The following RAI2 variants were observed in gnomAD, a reference collection of about 807,000 sequenced individuals.
The protein encoded by RAI2 is retinoic acid induced 2.
RAI2 carries 5 observed loss-of-function variants against 15.3 expected under a neutral mutation model. The ratio of observed to expected loss-of-function variants is 0.33; its 90% CI spans 0.17 to 0.69. RAI2 has a LOEUF of 0.69. Ranked by LOEUF, RAI2 falls within the 30% of genes least tolerant of loss-of-function variation. The pLI, the probability that RAI2 is intolerant of heterozygous loss-of-function variation, is 0.69. For synonymous variants in RAI2, 191 were observed against 184.0 expected, an observed-to-expected ratio of 1.04 and a Z score of -0.31; for missense variants, 424 against 424.7, an observed-to-expected ratio of 1.00 and a Z score of 0.01.
At chrX:17,824,301 C>A (rs1446303088) in intron 1 of RAI2, among the ~76,000 whole-genome samples, 1 of 112,261 alleles carries the variant, frequency 8.9e-6, no homozygotes, top group Non-Finnish European at 1.9e-5. Flanking sequence ...AAAGGGAGAT[C>A]CAAGGGCTAT....
In RAI2 at chrX:17,827,518, A is replaced by C. The variant is rs181433201; in HGVS notation, c.-24-25484T>G. 3.6e-4 allele frequency among the ~76,000 whole-genome samples: 40 copies of C among 112,396 alleles called. No individual in the cohort carries two copies. In the Admixed American group the frequency reaches 3.6e-3, roughly 10 times the overall value. The stretch of plus-strand genomic sequence containing the variant: ...ATATTCAAGCCTCACAAACACCCCC[A>C]AAAGAGAGATGCTGTTATTATTACT... On this transcript the variant is annotated intron_variant, in intron 1 of 1. Transcript: ENST00000451717.
intron 1 of RAI2, among the ~76,000 whole-genome samples, chrX:17,847,603 C>T (rs1258113302): frequency 1.2e-4 from 14 of 112,835 alleles, no homozygotes; most frequent in Non-Finnish European, 1.1e-4. Flanking sequence ...TAAAGCCCTG[C>T]AGTGGTTCAA....
intron 1 of RAI2, among the ~76,000 whole-genome samples, chrX:17,819,063 T>C (rs2067137019): frequency 9.0e-6 from 1 of 111,644 alleles, no homozygotes; most frequent in African/African-American, 3.3e-5. Flanking sequence ...TCCTTCCCCT[T>C]CCCTAGTTCC....
At chrX:17,820,088 T>C (rs1230395696) in intron 1 of RAI2, among the ~76,000 whole-genome samples, 1 of 112,074 alleles carries the variant, frequency 8.9e-6, no homozygotes. Context: ...AGAGGGGAGC[T>C]GCAGTGAAGA....
At position 17,801,416 on chromosome X, in the gene RAI2, C is replaced by T. The variant is rs993591280; in HGVS notation, c.595G>A (p.Gly199Arg). The T allele has an allele frequency of 1.6e-5, 18 of 1,155,982 alleles. No individual in the cohort carries two copies. Among genetic ancestry groups the T allele is most frequent in the East Asian group, 3.0e-5 (1 of 33,339 alleles). The change falls in exon 2 of 2, where the codon GGG (glycine) becomes AGG (arginine). Residue 199 changes from glycine to arginine, a missense_variant. Gly to Arg is a moderately radical substitution (Grantham distance 125). Coordinates refer to ENST00000451717, the MANE Select transcript of RAI2 (RefSeq NM_021785.6). Reference sequence around the variant, plus strand: ...GGAGGAGGCTGACAGGGTGGGGGCCCGAGAGTGCCCTGGGAGGGAAACAAA... The same window carrying T: ...GGAGGAGGCTGACAGGGTGGGGGCCTGAGAGTGCCCTGGGAGGGAAACAAA... ...QNLFPSQGTL[G>R]PPPCQPPPGY...
In RAI2 at chrX:17,800,152, C is replaced by T. The variant is rs2066883958; in HGVS notation, c.*266G>A. The T allele has an allele frequency of 3.2e-6, 1 of 313,568 alleles. No individual in the cohort carries two copies. The highest frequency in any genetic ancestry group is 1.1e-4 in the South Asian group (1 of 9,412). The allele number at this position is 313,568 out of a possible 1,213,427, so 25.8% of individuals were successfully genotyped here. A position where few individuals can be genotyped will look rare whatever the true frequency, so the allele number is the denominator to read the frequency against. On this transcript the variant is annotated 3_prime_UTR_variant, in exon 2 of 2. Coordinates refer to ENST00000451717, the MANE Select transcript of RAI2 (RefSeq NM_021785.6). ...AATGAAAATAGCTTTTTTTACCCCT[C>T]TAATTCACCCAATATTCCATTAAAG...
At chrX:17,847,669 C>T (rs921631398) in intron 1 of RAI2, among the ~76,000 whole-genome samples, 1 of 112,935 alleles carries the variant, frequency 8.9e-6, no homozygotes, top group African/African-American at 3.2e-5. Context: ...CAGAAGTGGT[C>T]AAAAGGAATG....
chrX:17,839,355 C>G (rs1259861660), intron 1 of RAI2, among the ~76,000 whole-genome samples: 1 of 112,140 alleles, frequency 8.9e-6, no homozygotes, highest in Non-Finnish European at 1.9e-5. Flanking sequence ...ATCCTGGGCC[C>G]AGATCAGCCC....
chrX:17,860,519 G>A (rs746286372), intron 1 of RAI2: 1 of 113,025 alleles, frequency 8.8e-6, no homozygotes, highest in Admixed American at 9.2e-5. Flanking sequence ...CCGGCTCCGG[G>A]GGGGATGCGG....
intron 1 of RAI2, among the ~76,000 whole-genome samples, chrX:17,860,076 C>T (rs1265514979): frequency 1.8e-5 from 2 of 111,544 alleles, no homozygotes; most frequent in Non-Finnish European, 3.8e-5. Flanking sequence ...TGGGTAACAA[C>T]CCGCTCCTCC....
chrX:17,809,152 G>A (rs1459244338), intron 1 of RAI2, among the ~76,000 whole-genome samples: 2 of 111,855 alleles, frequency 1.8e-5, no homozygotes, highest in Admixed American at 1.9e-4. Context: ...CTGCCTTATG[G>A]TCGACTGCCT....
At chrX:17,860,374 C>T (rs2067672315) in intron 1 of RAI2, 1 of 112,421 alleles carries the variant, frequency 8.9e-6, no homozygotes, top group Non-Finnish European at 1.9e-5. Context: ...CAAAAGGCGC[C>T]ACTGAAACGC....
At chrX:17,859,276 A>G (rs2067657877) in intron 1 of RAI2, among the ~76,000 whole-genome samples, 1 of 111,751 alleles carries the variant, frequency 8.9e-6, no homozygotes, top group Middle Eastern at 4.2e-3. Flanking sequence ...TCCACCAACA[A>G]CCAATTCTGA....
chrX:17,859,670 G>A (rs2067662744), intron 1 of RAI2, among the ~76,000 whole-genome samples: 1 of 112,532 alleles, frequency 8.9e-6, no homozygotes, highest in Non-Finnish European at 1.9e-5. Context: ...GATGAGGGGG[G>A]CCGGCCCGCG....
chrX:17,860,519 G>C (rs746286372), intron 1 of RAI2: 2 of 113,078 alleles, frequency 1.8e-5, no homozygotes, highest in Non-Finnish European at 3.8e-5. Flanking sequence ...CCGGCTCCGG[G>C]GGGGATGCGG....
chrX:17,852,600 A>T (rs770249446), intron 1 of RAI2, among the ~76,000 whole-genome samples: 28 of 111,684 alleles, frequency 2.5e-4, no homozygotes, highest in African/African-American at 8.8e-4. Flanking sequence ...TGGGCAGGGC[A>T]TGGTTTGCCC....
chrX:17,823,707 A>G (rs974990002), intron 1 of RAI2, among the ~76,000 whole-genome samples: 3 of 112,053 alleles, frequency 2.7e-5, no homozygotes, highest in African/African-American at 9.7e-5. Flanking sequence ...TACCACCCTG[A>G]ACCCACCAAA....
chrX:17,848,391 A>G (rs768410068), intron 1 of RAI2, among the ~76,000 whole-genome samples: 5 of 110,905 alleles, frequency 4.5e-5, no homozygotes, highest in African/African-American at 1.3e-4. Context: ...CTCAGAAAAA[A>G]ATATTCCATA....
chrX:17,820,307 C>T lies in RAI2; in HGVS notation c.-24-18273G>A, dbSNP rs187960136. 1.3e-3 allele frequency among the ~76,000 whole-genome samples: 141 copies of T among 112,136 alleles called. 1 individual carries two copies. Among genetic ancestry groups the T allele is most frequent in the African/African-American group, 3.6e-3 (111 of 30,850 alleles). Reference sequence around the variant, plus strand: ...ATGCCAATGTTTTTGTATTTGGGAACGGAGAGGGAGTATTAAGGCAAGCAA... The same window carrying T: ...ATGCCAATGTTTTTGTATTTGGGAATGGAGAGGGAGTATTAAGGCAAGCAA... On this transcript the variant is annotated intron_variant, in intron 1 of 1. Coordinates refer to ENST00000451717, the MANE Select transcript of RAI2 (RefSeq NM_021785.6).
Sources: allele counts gnomAD v4.1 joint callset (sites outside exome capture counted in the v4.1 genomes callset), GRCh38; gene constraint gnomAD v4.1.1; transcripts MANE v1.5; gene names NCBI Gene and HGNC (gene_info 2026-07-23, HGNC 2026-07-21).